RIC8B: variants seen among roughly 807,000 people sequenced by gnomAD.
RIC8B encodes chaperone Ric-8B.
Under a neutral mutation model 57.5 loss-of-function variants are expected in RIC8B, and 16 were observed. That is an observed-to-expected ratio of 0.28 (90% CI 0.19 to 0.42). RIC8B has a LOEUF of 0.42. RIC8B is among the 10% of genes least tolerant of loss of function. The pLI, the probability that RIC8B is intolerant of heterozygous loss-of-function variation, is 1.00. For synonymous variants in RIC8B, 216 were observed against 250.8 expected, an observed-to-expected ratio of 0.86 and a Z score of 1.31; for missense variants, 481 against 677.0, an observed-to-expected ratio of 0.71 and a Z score of 3.21.
intron 4 of RIC8B, among the ~76,000 whole-genome samples, chr12:106,830,916 AAAT>A (rs1433389252): frequency 3.9e-5 from 6 of 152,188 alleles, no homozygotes; most frequent in Non-Finnish European, 8.8e-5. Context: ...TTAATTATTC[AAAT>A]AATAATTGCT....
Position 106,887,448 on chromosome 12 carries a change from G to A in RIC8B, c.*1433G>A. ...GGTTACTGAAAAGGTCATTTATCCA[G>A]AAGTTACCTCTCTGGCAAAGCAAAA... On this transcript the variant is annotated 3_prime_UTR_variant, in exon 10 of 10. Transcript: ENST00000392837. 1 of 152,196 alleles carries A rather than the reference G, an allele frequency of 6.6e-6. No individual in the cohort carries two copies. The highest frequency in any genetic ancestry group is 1.5e-5 in the Non-Finnish European group (1 of 68,026). The allele number at this position is 152,196 out of a possible 1,614,324, so 9.4% of individuals were successfully genotyped here.
chr12:106,817,032 T>G (rs998569824), intron 3 of RIC8B, among the ~76,000 whole-genome samples: 4 of 152,182 alleles, frequency 2.6e-5, no homozygotes, highest in Non-Finnish European at 5.9e-5. Flanking sequence ...GCTCAGAAAT[T>G]TAAATACTAT....
chr12:106,786,439 G>A (rs146436022), intron 2 of RIC8B, among the ~76,000 whole-genome samples: 1,572 of 152,168 alleles, frequency 0.01, 30 homozygotes, highest in African/African-American at 0.035. Flanking sequence ...GTGAGCCACC[G>A]CACCTGGCCC....
At chr12:106,861,851 G>A (rs1399918826) in intron 8 of RIC8B, among the ~76,000 whole-genome samples, 2 of 152,054 alleles carry the variant, frequency 1.3e-5, no homozygotes, top group Non-Finnish European at 2.9e-5. Flanking sequence ...ATCCCAGGGT[G>A]TGTGGACACA....
intron 2 of RIC8B, among the ~76,000 whole-genome samples, chr12:106,797,314 A>G (rs2044527899): frequency 6.6e-6 from 1 of 152,284 alleles, no homozygotes; most frequent in African/African-American, 2.4e-5. Flanking sequence ...ATATTTGACC[A>G]TACAAAGGAA....
chr12:106,879,964 T>C lies in RIC8B; in HGVS notation c.1572-5940T>C. 1.0e-6 allele frequency: 1 copy of C among 985,032 alleles called. No individual in the cohort carries two copies. The highest frequency in any genetic ancestry group is 1.1e-4 in the East Asian group (1 of 8,812). 61.0% of individuals were successfully genotyped at this position (985,032 alleles called of 1,614,324 possible). A position where few individuals can be genotyped will look rare whatever the true frequency, so the allele number is the denominator to read the frequency against. On this transcript the variant is annotated intron_variant, in intron 9 of 9. Transcript: ENST00000392837. This position sits in a 1 kb window ranked among gnomAD's most constrained non-coding sequence, Gnocchi z 4.9. Reference sequence around the variant, plus strand: ...GCATTGAAGGTAAGTATGAAGGAGTTGTTGCTATGTGAATATCTTAATCCT... The same window carrying C: ...GCATTGAAGGTAAGTATGAAGGAGTCGTTGCTATGTGAATATCTTAATCCT...
chr12:106,853,665 C>G (rs544110878), intron 7 of RIC8B, among the ~76,000 whole-genome samples: 15 of 151,640 alleles, frequency 9.9e-5, no homozygotes, highest in Non-Finnish European at 2.1e-4. Context: ...GATGGGGTTT[C>G]ACCATATTGG....
intron 4 of RIC8B, among the ~76,000 whole-genome samples, chr12:106,829,431 A>G (rs898478442): frequency 2.0e-5 from 3 of 152,144 alleles, no homozygotes; most frequent in Admixed American, 2.0e-4. Context: ...TTAGGCTCTC[A>G]ATCTCGTTTT....
intron 3 of RIC8B, among the ~76,000 whole-genome samples, chr12:106,819,872 A>G (rs2045762198): frequency 6.6e-6 from 1 of 151,454 alleles, no homozygotes; most frequent in Non-Finnish European, 1.5e-5. Flanking sequence ...ACCTTTAACA[A>G]ATCTCCCTTT....
Position 106,815,977 on chromosome 12 carries a change from G to A in RIC8B, c.741+673G>A, listed in dbSNP as rs541055900. Among the ~76,000 whole-genome samples, 98 of 152,258 alleles carry A rather than the reference G, an allele frequency of 6.4e-4. No homozygotes were observed. In the South Asian group the frequency reaches 0.011, roughly 17 times the overall value. On this transcript the variant is annotated intron_variant, in intron 3 of 9. Coordinates refer to ENST00000392837, the MANE Select transcript of RIC8B (RefSeq NM_001330145.2). ...GGCTTGGACCCTTCAGCAACCCAAA[G>A]TGACGCAGATTTGATAGTTTACATT...
At chr12:106,810,570 A>T (rs990305413) in intron 2 of RIC8B, among the ~76,000 whole-genome samples, 5 of 152,204 alleles carry the variant, frequency 3.3e-5, no homozygotes, top group African/African-American at 1.2e-4. Flanking sequence ...TTTTATGTTG[A>T]AAGTGGGTTT....
chr12:106,787,490 C>T (rs1459573556), intron 2 of RIC8B, among the ~76,000 whole-genome samples: 1 of 152,132 alleles, frequency 6.6e-6, no homozygotes, highest in Non-Finnish European at 1.5e-5. Flanking sequence ...CTGCCCAATT[C>T]GTTTGCTCCC....
intron 8 of RIC8B, among the ~76,000 whole-genome samples, chr12:106,868,068 A>G (rs1950214895): frequency 6.6e-6 from 1 of 152,222 alleles, no homozygotes; most frequent in Non-Finnish European, 1.5e-5. Flanking sequence ...AGGTTACCTT[A>G]TGTAAAACAG....
rs1049591412 is a variant in RIC8B, at chr12:106,824,219, T to G, written c.742-1507T>G. On this transcript the variant is annotated intron_variant, in intron 3 of 9. Transcript: ENST00000392837. ...GTTATATTGAAAGCATTAAAGCACT[T>G]TTATGCATATCATCTTCTTTAATCC... Among the ~76,000 whole-genome samples the G allele has an allele frequency of 2.1e-4, 32 of 152,344 alleles. 1 individual carries two copies. The highest frequency in any genetic ancestry group is 7.0e-4 in the African/African-American group (29 of 41,574).
intron 6 of RIC8B, among the ~76,000 whole-genome samples, chr12:106,848,969 G>T (rs1488831299): frequency 6.6e-6 from 1 of 152,180 alleles, no homozygotes; most frequent in African/African-American, 2.4e-5. Flanking sequence ...GGCTGGGAAG[G>T]ATAATGGGGG....
At chr12:106,784,375 A>G (rs1198901851) in intron 2 of RIC8B, among the ~76,000 whole-genome samples, 1 of 152,118 alleles carries the variant, frequency 6.6e-6, no homozygotes, top group African/African-American at 2.4e-5. Context: ...TCCATTGCTA[A>G]TATTACAAAA....
At chr12:106,829,211 C>T (rs6539283) in intron 4 of RIC8B, among the ~76,000 whole-genome samples, 55,859 of 152,056 alleles carry the variant, frequency 0.37, 10,344 homozygotes, top group South Asian at 0.4. Flanking sequence ...TTTTGCTCCA[C>T]TGAAGGACAT....
intron 2 of RIC8B, among the ~76,000 whole-genome samples, chr12:106,793,000 C>T (rs1056640094): frequency 1.4e-4 from 22 of 152,142 alleles, no homozygotes; most frequent in African/African-American, 4.8e-4. Context: ...TCTCATCCTG[C>T]CCCCAGCTAC....
intron 8 of RIC8B, among the ~76,000 whole-genome samples, chr12:106,861,997 A>G (rs753047941): frequency 3.9e-5 from 6 of 152,134 alleles, no homozygotes; most frequent in Non-Finnish European, 7.4e-5. Flanking sequence ...CCAGAATGCT[A>G]CTATAACAAT....
Sources: gnomAD v4.1 joint callset for allele counts (sites outside exome capture counted in the v4.1 genomes callset) on GRCh38, gnomAD v4.1.1 for gene constraint, Gnocchi (gnomAD v3.1) non-coding constraint, MANE v1.5 for transcripts, NCBI Gene and HGNC (gene_info 2026-07-23, HGNC 2026-07-21) for gene names.